The following DAB1 variants were observed in gnomAD, a reference collection of about 807,000 sequenced individuals.
DAB1 encodes the protein disabled homolog 1.
Under a neutral mutation model 64.6 loss-of-function variants are expected in DAB1, and 15 were observed. That is an observed-to-expected ratio of 0.23 (90% CI 0.16 to 0.36). DAB1 has a LOEUF of 0.36. Among genes scored for constraint, DAB1 ranks in the 10% least tolerant of loss-of-function variants. DAB1 has a pLI of 1.00. For missense variants in DAB1, 596 were observed against 706.7 expected (o/e 0.84, Z 1.78); for synonymous variants, 235 against 251.9 (o/e 0.93, Z 0.64).
At chr1:57,363,641 T>C (rs537192095) in intron 1 of DAB1, among the ~76,000 whole-genome samples, 60 of 152,314 alleles carry the variant, frequency 3.9e-4, no homozygotes, top group African/African-American at 1.4e-3. Context: ...CCTCTCATTG[T>C]AGGATACAGG....
At chr1:57,976,526 T>G (rs1645923623) in intron 5 of DAB1, among the ~76,000 whole-genome samples, 1 of 152,144 alleles carries the variant, frequency 6.6e-6, no homozygotes, top group East Asian at 1.9e-4. Flanking sequence ...GTCTGGTTGG[T>G]TTGCGTGCTT....
intron 5 of DAB1, among the ~76,000 whole-genome samples, chr1:58,007,427 C>CT (rs369111578): frequency 6.6e-6 from 1 of 152,226 alleles, no homozygotes; most frequent in East Asian, 1.9e-4. Context: ...CTTTATTAAT[C>CT]TTTTTTTCCC....
intron 7 of DAB1, among the ~76,000 whole-genome samples, chr1:57,476,590 AT>A (rs1643942141): frequency 6.6e-6 from 1 of 152,240 alleles, no homozygotes; most frequent in South Asian, 2.1e-4. Context: ...TATGAATTAC[AT>A]TTAATATTTA....
At chr1:58,200,961 T>C (rs1377037580) in intron 4 of DAB1, among the ~76,000 whole-genome samples, 1 of 152,142 alleles carries the variant, frequency 6.6e-6, no homozygotes, top group African/African-American at 2.4e-5. Context: ...TTACTAGAGG[T>C]ATGGACTTCC....
chr1:57,052,113 C>A (rs79999214), intron 9 of DAB1, among the ~76,000 whole-genome samples: 1,295 of 107,186 alleles, frequency 0.012, 23 homozygotes, highest in African/African-American at 0.042. Flanking sequence ...ATCACGTCTA[C>A]CTGCTAGGGT....
intron 4 of DAB1, among the ~76,000 whole-genome samples, chr1:58,292,992 A>G (rs1661882771): frequency 6.6e-6 from 1 of 152,146 alleles, no homozygotes; most frequent in South Asian, 2.1e-4. Flanking sequence ...ATGAGACCCA[A>G]CTGAGGTGAA....
In DAB1 at chr1:57,537,828, A is replaced by G. The variant is rs564568118; in HGVS notation, n.625+111764T>C. 5.9e-5 allele frequency among the ~76,000 whole-genome samples: 9 copies of G among 152,320 alleles called. No individual in the cohort carries two copies. In the South Asian group the frequency reaches 1.9e-3, roughly 32 times the overall value. On this transcript the variant is annotated intron_variant and non_coding_transcript_variant, in intron 7 of 20. Coordinates refer to the DAB1 transcript ENST00000485760. ...AAGAGAAGAGTTTATTTGGCTCACA[A>G]TTCTGCTGGCTGGAAGACCGGGCAT...
intron 2 of DAB1, 43 bp downstream of exon 2, chr1:57,290,921 T>G: frequency 7.9e-7 from 1 of 1,270,988 alleles, no homozygotes; most frequent in Non-Finnish European, 1.1e-6. Flanking sequence ...CTCATTCCTG[T>G]GCAGAAAAGT....
chr1:57,171,601 C>T (rs1412305344), intron 2 of DAB1, among the ~76,000 whole-genome samples: 1 of 152,152 alleles, frequency 6.6e-6, no homozygotes, highest in African/African-American at 2.4e-5. Context: ...GTCAAATCTT[C>T]CACAGCAGGA....
Position 57,773,109 on chromosome 1 carries a change from G to A in DAB1, n.551+110890C>T, listed in dbSNP as rs868587157. Among the ~76,000 whole-genome samples, 2 of 151,932 alleles carry A rather than the reference G, an allele frequency of 1.3e-5. 1 individual carries two copies. The highest frequency in any genetic ancestry group is 2.9e-5 in the Non-Finnish European group (2 of 67,980). Reference sequence around the variant, plus strand: ...GAACCTTCAGGACCATAGCCCTACTGATACCTTAATTTCAGACTTCTACCC... The same window carrying A: ...GAACCTTCAGGACCATAGCCCTACTAATACCTTAATTTCAGACTTCTACCC... On this transcript the variant is annotated intron_variant and non_coding_transcript_variant, in intron 6 of 20. Transcript: ENST00000485760.
intron 4 of DAB1, among the ~76,000 whole-genome samples, chr1:58,303,905 G>GTTTA (rs887853598): frequency 2.0e-5 from 3 of 152,004 alleles, no homozygotes; most frequent in Non-Finnish European, 2.9e-5. Context: ...TATTTGGTTT[G>GTTTA]TTTATTTATT....
chr1:57,328,003 T>A (rs937112212), intron 1 of DAB1, among the ~76,000 whole-genome samples: 1 of 152,176 alleles, frequency 6.6e-6, no homozygotes, highest in Non-Finnish European at 1.5e-5. Flanking sequence ...GGGGGAGGAA[T>A]CTAACCATTA....
chr1:57,269,207 C>T (rs1670805006), intron 2 of DAB1, among the ~76,000 whole-genome samples: 1 of 152,138 alleles, frequency 6.6e-6, no homozygotes, highest in Non-Finnish European at 1.5e-5. Context: ...AGCTGACCCC[C>T]AATCCCCTTG....
At chr1:57,035,810 C>T (rs574433711) in intron 9 of DAB1, among the ~76,000 whole-genome samples, 39 of 139,828 alleles carry the variant, frequency 2.8e-4, no homozygotes, top group African/African-American at 9.1e-4. Flanking sequence ...CTATTTTTGG[C>T]TCATTTCAGT....
chr1:57,359,624 G>A (rs564385902), intron 1 of DAB1, among the ~76,000 whole-genome samples: 3 of 151,968 alleles, frequency 2.0e-5, no homozygotes, highest in South Asian at 4.1e-4. Flanking sequence ...GTATGTTGAA[G>A]AGATATCCAC....
chr1:57,415,414 A>C (rs1336109769), intron 1 of DAB1, among the ~76,000 whole-genome samples: 1 of 152,208 alleles, frequency 6.6e-6, no homozygotes, highest in African/African-American at 2.4e-5. Context: ...TTCTGAAACA[A>C]GACATAAAAA....
At chr1:57,551,183 G>A (rs1644910284) in intron 7 of DAB1, among the ~76,000 whole-genome samples, 1 of 152,078 alleles carries the variant, frequency 6.6e-6, no homozygotes, top group African/African-American at 2.4e-5. Context: ...TATCTCCCAC[G>A]GGCACTGTGG....
At chr1:58,477,287 G>A (rs1346551844) in intron 3 of DAB1, among the ~76,000 whole-genome samples, 1 of 152,094 alleles carries the variant, frequency 6.6e-6, no homozygotes, top group Non-Finnish European at 1.5e-5. Flanking sequence ...ATGAAAATTT[G>A]CTATCATATC....
At chr1:58,390,537 G>A (rs1370663947) in intron 3 of DAB1, among the ~76,000 whole-genome samples, 6 of 152,188 alleles carry the variant, frequency 3.9e-5, no homozygotes, top group South Asian at 2.1e-4. Flanking sequence ...TCAGGGGGAC[G>A]TGGGATCAGT....
Sources: gnomAD v4.1 joint callset for allele counts (sites outside exome capture counted in the v4.1 genomes callset) on GRCh38, gnomAD v4.1.1 for gene constraint, MANE v1.5 for transcripts, NCBI Gene and HGNC (gene_info 2026-07-23, HGNC 2026-07-21) for gene names.